Variants in CALD1 observed in about 807,000 individuals in gnomAD.
CALD1 encodes the protein caldesmon.
CALD1 carries 33 observed loss-of-function variants against 99.9 expected under a neutral mutation model. The observed-to-expected ratio is 0.33, with a 90% CI of 0.25 to 0.44. The LOEUF is 0.44. CALD1 is among the 20% of genes least tolerant of loss of function. The probability of loss-of-function intolerance (pLI) is 1.00; values close to 1 mark genes in which losing one functional copy is unlikely to be tolerated. For synonymous variants in CALD1, 310 were observed against 325.0 expected, an observed-to-expected ratio of 0.95 and a Z score of 0.50; for missense variants, 861 against 962.1, an observed-to-expected ratio of 0.89 and a Z score of 1.39.
At chr7:134,934,570 G>A (rs1805810580) in intron 5 of CALD1, among the ~76,000 whole-genome samples, 1 of 152,054 alleles carries the variant, frequency 6.6e-6, no homozygotes, top group Admixed American at 6.5e-5. Flanking sequence ...AAGAATAATG[G>A]TCAGACATTT....
At chr7:134,808,862 T>C (rs1172204865) in intron 1 of CALD1, among the ~76,000 whole-genome samples, 1 of 152,218 alleles carries the variant, frequency 6.6e-6, no homozygotes, top group Non-Finnish European at 1.5e-5. Context: ...TTTACATATA[T>C]TGTCTGCACT....
chr7:134,965,442 AG>A (rs1310407569), intron 14 of CALD1, 56 bp downstream of exon 14: 1 of 851,006 alleles, frequency 1.2e-6, no homozygotes, highest in Non-Finnish European at 2.1e-6. Flanking sequence ...TGTATGGTGT[AG>A]TATAATGTCC....
At chr7:134,873,204 CAA>C (rs66974407) in intron 3 of CALD1, among the ~76,000 whole-genome samples, 190 of 146,950 alleles carry the variant, frequency 1.3e-3, no homozygotes, top group African/African-American at 4.5e-3. Flanking sequence ...ACAAACAAAA[CAA>C]AAAAAACCCA....
At chr7:134,947,252 G>A (rs1028712614) in intron 7 of CALD1, among the ~76,000 whole-genome samples, 1 of 152,120 alleles carries the variant, frequency 6.6e-6, no homozygotes, top group African/African-American at 2.4e-5. Flanking sequence ...CATAGCAGCT[G>A]CACAACTTTA....
intron 1 of CALD1, among the ~76,000 whole-genome samples, chr7:134,813,589 T>A (rs1665394971): frequency 6.6e-6 from 1 of 152,170 alleles, no homozygotes; most frequent in Admixed American, 6.5e-5. Context: ...GGTAGAAGCC[T>A]GTGATGCTCT....
chr7:134,966,133 A>G (rs1808665073), intron 14 of CALD1, among the ~76,000 whole-genome samples: 1 of 152,220 alleles, frequency 6.6e-6, no homozygotes, highest in South Asian at 2.1e-4. Flanking sequence ...GAGACCAACA[A>G]TAAGCAAGGT....
At chr7:134,955,927 C>T (rs926100481) in intron 9 of CALD1, among the ~76,000 whole-genome samples, 3 of 151,968 alleles carry the variant, frequency 2.0e-5, no homozygotes, top group South Asian at 2.1e-4. Flanking sequence ...GATGGACGGA[C>T]GGACGGATGG....
chr7:134,719,831 G>C, the CALD1 span, among the ~76,000 whole-genome samples: 1 of 152,214 alleles, frequency 6.6e-6, no homozygotes, highest in Admixed American at 6.5e-5. Flanking sequence ...CTGTTCAAAA[G>C]CCAAAATGTT....
chr7:134,778,433 T>C (rs1238011842), upstream of CALD1, among the ~76,000 whole-genome samples: 4 of 152,198 alleles, frequency 2.6e-5, no homozygotes, highest in South Asian at 2.1e-4. Context: ...AGGAAAAATA[T>C]TGTGAAACTT....
intron 3 of CALD1, among the ~76,000 whole-genome samples, chr7:134,912,121 T>C (rs1040373147): frequency 6.6e-6 from 1 of 152,182 alleles, no homozygotes; most frequent in Non-Finnish European, 1.5e-5. Context: ...AAAGCTTTAC[T>C]GATGTTCGTT....
In CALD1 at chr7:134,803,180, A is replaced by G. The variant is rs560075774; in HGVS notation, c.-130+23431A>G. On this transcript the variant is annotated intron_variant, in intron 1 of 14. Transcript: ENST00000361675. Reference sequence around the variant, plus strand: ...TTTTTTGTTCTTATTGAACATATGTATATCTTCTATGAAGGATTTATTCAC... The same window carrying G: ...TTTTTTGTTCTTATTGAACATATGTGTATCTTCTATGAAGGATTTATTCAC... 9.2e-5 allele frequency among the ~76,000 whole-genome samples: 14 copies of G among 152,288 alleles called. No individual in the cohort carries two copies. In the South Asian group the frequency reaches 2.9e-3, roughly 32 times the overall value.
intron 8 of CALD1, among the ~76,000 whole-genome samples, chr7:134,949,460 G>A (rs1002253876): frequency 2.0e-5 from 3 of 152,168 alleles, no homozygotes; most frequent in Admixed American, 6.5e-5. Context: ...TGAAGACACA[G>A]AGGGGTTAAT....
intron 3 of CALD1, among the ~76,000 whole-genome samples, chr7:134,894,793 C>T (rs777341718): frequency 6.6e-6 from 1 of 152,080 alleles, no homozygotes; most frequent in Admixed American, 6.6e-5. Flanking sequence ...CTGTCACTTG[C>T]GGTTTAATAT....
chr7:134,847,248 T>A (rs1799890141), intron 2 of CALD1, among the ~76,000 whole-genome samples: 1 of 152,194 alleles, frequency 6.6e-6, no homozygotes, highest in South Asian at 2.1e-4. Context: ...TCTTCTTCTT[T>A]TCTTGAGTTT....
chr7:134,867,827 A>G (rs1284714483), intron 3 of CALD1, 23 bp downstream of exon 3: 3 of 1,484,812 alleles, frequency 2.0e-6, no homozygotes, highest in African/African-American at 1.4e-5. Flanking sequence ...GGTGAAAAAT[A>G]CTTGTATTCC....
intron 1 of CALD1, among the ~76,000 whole-genome samples, chr7:134,762,125 C>T (rs1796783631): frequency 6.6e-6 from 1 of 152,140 alleles, no homozygotes; most frequent in Non-Finnish European, 1.5e-5. Flanking sequence ...GTTGAATCTT[C>T]GGTTGAATCT....
intron 3 of CALD1, among the ~76,000 whole-genome samples, chr7:134,905,951 CAG>C (rs1803350547): frequency 9.7e-6 from 1 of 102,674 alleles, no homozygotes; most frequent in African/African-American, 3.9e-5. Flanking sequence ...TTTTTTGAGA[CAG>C]AGTTTTGCTC....
At chr7:134,740,285 A>T (rs1341244724), upstream of CALD1, among the ~76,000 whole-genome samples, 1 of 152,148 alleles carries the variant, frequency 6.6e-6, no homozygotes, top group Admixed American at 6.5e-5. Flanking sequence ...GCAATGACAC[A>T]AGTCTGGAGG....
rs1806898363 is a variant in CALD1, at chr7:134,946,680, T to C, written c.1533-828T>C. On this transcript the variant is annotated intron_variant, in intron 7 of 14. Coordinates refer to ENST00000361675, the MANE Select transcript of CALD1 (RefSeq NM_033138.4). ...AACAAGATCTCCTTCCTTTTTTTTT[T>C]TTTTCTCTTTTTTTCTTACAGACAG... Among the ~76,000 whole-genome samples the C allele has an allele frequency of 2.0e-5, 3 of 151,876 alleles. No individual in the cohort carries two copies. The South Asian group carries it at 6.2e-4, about 32-fold the overall frequency.
Sources: allele counts gnomAD v4.1 joint callset (sites outside exome capture counted in the v4.1 genomes callset), GRCh38; gene constraint gnomAD v4.1.1; transcripts MANE v1.5; gene names NCBI Gene and HGNC (gene_info 2026-07-23, HGNC 2026-07-21).